The following CLSTN2 variants were observed in gnomAD, a reference collection of about 807,000 sequenced individuals.
CLSTN2 encodes calsyntenin-2.
Under a neutral mutation model 101.2 loss-of-function variants are expected in CLSTN2, and 48 were observed. That is an observed-to-expected ratio of 0.47 (90% CI 0.38 to 0.60). The LOEUF is 0.60. Among genes scored for constraint, CLSTN2 ranks in the 20% least tolerant of loss-of-function variants. The pLI is 0.00. For synonymous variants in CLSTN2, 481 were observed against 463.6 expected (o/e 1.04, Z -0.48); for missense variants, 1,160 against 1,238.2 (o/e 0.94, Z 0.95).
At chr3:140,216,146 A>T (rs976182869) in intron 2 of CLSTN2, among the ~76,000 whole-genome samples, 1 of 152,166 alleles carries the variant, frequency 6.6e-6, no homozygotes, top group Non-Finnish European at 1.5e-5. Flanking sequence ...TCTAGGCTGT[A>T]AGCTCCTTAT....
At chr3:140,366,671 A>T (rs1012918951) in intron 2 of CLSTN2, among the ~76,000 whole-genome samples, 2 of 152,136 alleles carry the variant, frequency 1.3e-5, no homozygotes, top group African/African-American at 4.8e-5. Context: ...ACCAGCTCAG[A>T]CACTGCCTCT....
intron 2 of CLSTN2, among the ~76,000 whole-genome samples, chr3:140,179,768 T>C (rs982173790): frequency 1.3e-5 from 2 of 152,154 alleles, no homozygotes; most frequent in Non-Finnish European, 2.9e-5. Flanking sequence ...GATTTCCTAT[T>C]TAATGAGTGT....
intron 2 of CLSTN2, among the ~76,000 whole-genome samples, chr3:140,207,823 C>T (rs1301124102): frequency 6.6e-6 from 1 of 152,188 alleles, no homozygotes; most frequent in African/African-American, 2.4e-5. Flanking sequence ...GTTAAGAAGG[C>T]ACCTGCTTCT....
chr3:139,979,615 A>G (rs1246719460), intron 1 of CLSTN2, among the ~76,000 whole-genome samples: 1 of 152,232 alleles, frequency 6.6e-6, no homozygotes, highest in Non-Finnish European at 1.5e-5. Context: ...ATTATGTCTC[A>G]GTGGCCTCAT....
At chr3:140,157,186 G>C (rs1484725840) in intron 1 of CLSTN2, among the ~76,000 whole-genome samples, 4 of 146,480 alleles carry the variant, frequency 2.7e-5, no homozygotes, top group Non-Finnish European at 4.4e-5. Context: ...GTTTAGTGGA[G>C]ATATTGGCCT....
At chr3:140,490,334 C>A (rs1445185319) in intron 8 of CLSTN2, among the ~76,000 whole-genome samples, 4 of 150,748 alleles carry the variant, frequency 2.7e-5, no homozygotes, top group African/African-American at 9.8e-5. Context: ...CAGGGCTGTA[C>A]ATGAAGGCCC....
At position 140,570,956 on chromosome 3, in the gene CLSTN2, G is replaced by T. The variant is rs771958387; in HGVS notation, c.*4703G>T. 4.6e-5 allele frequency: 7 copies of T among 152,240 alleles called. No individual in the cohort carries two copies. Among genetic ancestry groups the T allele is most frequent in the Admixed American group, 1.3e-4 (2 of 15,282 alleles). 9.4% of individuals were successfully genotyped at this position (152,240 alleles called of 1,614,324 possible). The stretch of plus-strand genomic sequence containing the variant: ...AGTTTTTAATTAAGCTGTTTTAAAA[G>T]TCCATGTTCCGGGGGAAAACAAAAA... On this transcript the variant is annotated 3_prime_UTR_variant, in exon 17 of 17. Coordinates refer to ENST00000458420, the MANE Select transcript of CLSTN2 (RefSeq NM_022131.3).
chr3:140,494,974 T>C (rs1934433441), intron 8 of CLSTN2, among the ~76,000 whole-genome samples: 1 of 152,222 alleles, frequency 6.6e-6, no homozygotes, highest in Non-Finnish European at 1.5e-5. Flanking sequence ...TTCGGATATA[T>C]ACCCAGTAAT....
At chr3:139,965,656 C>T (rs1935586990) in intron 1 of CLSTN2, among the ~76,000 whole-genome samples, 1 of 152,190 alleles carries the variant, frequency 6.6e-6, no homozygotes, top group African/African-American at 2.4e-5. Flanking sequence ...GGCTTCCAAC[C>T]TCAAAGCTGG....
intron 1 of CLSTN2, among the ~76,000 whole-genome samples, chr3:140,092,774 C>T (rs2008800834): frequency 6.6e-6 from 1 of 152,174 alleles, no homozygotes; most frequent in Non-Finnish European, 1.5e-5. Context: ...CAGTGCTCAC[C>T]ACCTTGAGAA....
At chr3:140,118,625 G>A (rs2009285297) in intron 1 of CLSTN2, among the ~76,000 whole-genome samples, 1 of 152,172 alleles carries the variant, frequency 6.6e-6, no homozygotes, top group Admixed American at 6.5e-5. Flanking sequence ...AGAAAGACTG[G>A]GGGATAGAAG....
intron 2 of CLSTN2, among the ~76,000 whole-genome samples, chr3:140,258,751 A>C (rs1020025423): frequency 6.6e-5 from 10 of 152,302 alleles, no homozygotes; most frequent in African/African-American, 2.4e-4. Context: ...GGGTTTTAAC[A>C]ATATGTTGGA....
intron 2 of CLSTN2, among the ~76,000 whole-genome samples, chr3:140,236,706 A>C (rs558626966): frequency 1.3e-5 from 2 of 151,768 alleles, no homozygotes; most frequent in African/African-American, 4.8e-5. Context: ...TTCTATTGCT[A>C]TGTCTTCAAG....
At chr3:140,296,183 T>C (rs957446799) in intron 2 of CLSTN2, among the ~76,000 whole-genome samples, 1 of 152,192 alleles carries the variant, frequency 6.6e-6, no homozygotes, top group African/African-American at 2.4e-5. Context: ...ACCTTCCTCA[T>C]TGCTCTTTCT....
intron 2 of CLSTN2, among the ~76,000 whole-genome samples, chr3:140,183,693 CT>C (rs1559800769): frequency 6.6e-6 from 1 of 152,146 alleles, no homozygotes; most frequent in African/African-American, 2.4e-5. Context: ...TACTTGCCCC[CT>C]GGGCCATACA....
At chr3:140,362,278 A>AC (rs2087737655) in intron 2 of CLSTN2, among the ~76,000 whole-genome samples, 1 of 152,166 alleles carries the variant, frequency 6.6e-6, no homozygotes, top group Admixed American at 6.5e-5. Context: ...GTGAATTTAG[A>AC]CCCTTACCTC....
intron 2 of CLSTN2, among the ~76,000 whole-genome samples, chr3:140,274,332 G>A (rs1248693104): frequency 1.3e-5 from 2 of 152,138 alleles, no homozygotes; most frequent in East Asian, 3.9e-4. Context: ...CTTGACAACA[G>A]ACCCCTGCTG....
chr3:140,047,988 AC>A (rs2007913857), intron 1 of CLSTN2, among the ~76,000 whole-genome samples: 2 of 152,226 alleles, frequency 1.3e-5, no homozygotes, highest in Admixed American at 1.3e-4. Flanking sequence ...AAATAATGAC[AC>A]AAGGAAATAA....
chr3:140,411,792 C>G (rs534751760), intron 4 of CLSTN2, among the ~76,000 whole-genome samples: 61 of 152,292 alleles, frequency 4.0e-4, no homozygotes, highest in Non-Finnish European at 6.5e-4. Context: ...TTCGAGGCAG[C>G]CTTGCCATTA....
Sources: allele counts gnomAD v4.1 joint callset (sites outside exome capture counted in the v4.1 genomes callset), GRCh38; gene constraint gnomAD v4.1.1; transcripts MANE v1.5; gene names NCBI Gene and HGNC (gene_info 2026-07-23, HGNC 2026-07-21).